The following EPHA6 variants were observed in gnomAD, a reference collection of about 807,000 sequenced individuals.
The protein encoded by EPHA6 is EPH receptor A6.
A neutral mutation model predicts 112.0 loss-of-function variants in EPHA6; 50 were observed. The observed-to-expected ratio is 0.45, with a 90% CI of 0.36 to 0.56. EPHA6 has a LOEUF of 0.56. Ranked by LOEUF, EPHA6 falls within the 20% of genes least tolerant of loss-of-function variation. The pLI is 0.00. For synonymous variants in EPHA6, 529 were observed against 490.7 expected (o/e 1.08, Z -1.03); for missense variants, 1,280 against 1,417.4 (o/e 0.90, Z 1.56).
rs35435047 is a variant in EPHA6 at position 97,502,247 on chromosome 3, C to A, written c.2200+18188C>A. ...GCAATGGTGCAATCTCGGCTCACTG[C>A]AACCTCTGCCTCCTAGGTTCAAGTG... On this transcript the variant is annotated intron_variant, in intron 10 of 17. Coordinates refer to ENST00000389672, the MANE Select transcript of EPHA6 (RefSeq NM_001080448.3). Among the ~76,000 whole-genome samples, 111 of 149,190 alleles carry A rather than the reference C, an allele frequency of 7.4e-4. 1 individual carries two copies. The highest frequency in any genetic ancestry group is 2.6e-3 in the African/African-American group (104 of 39,956).
chr3:97,320,367 A>T (rs2082051647), intron 5 of EPHA6, among the ~76,000 whole-genome samples: 1 of 151,668 alleles, frequency 6.6e-6, no homozygotes, highest in African/African-American at 2.4e-5. Context: ...GTAAAACCTT[A>T]TTTTTATAAA....
At chr3:97,599,093 G>T (rs1305209611) in intron 12 of EPHA6, among the ~76,000 whole-genome samples, 2 of 152,188 alleles carry the variant, frequency 1.3e-5, no homozygotes, top group African/African-American at 4.8e-5. Flanking sequence ...CATGTCCTTT[G>T]CCCACTTTTT....
intron 6 of EPHA6, among the ~76,000 whole-genome samples, chr3:97,445,400 T>A (rs2090305946): frequency 6.6e-6 from 1 of 152,294 alleles, no homozygotes; most frequent in Non-Finnish European, 1.5e-5. Context: ...CCTGATACCA[T>A]GTCTTAATCC....
In EPHA6 at chr3:97,197,073, G is replaced by C. The variant is rs544398136; in HGVS notation, c.1115-29191G>C. ...TGTATTCTTCCCTTCAGGGCTGCAA[G>C]CTCTCCCTGAGCCCAGCAGATCCAG... On this transcript the variant is annotated intron_variant, in intron 3 of 17. Coordinates refer to ENST00000389672, the MANE Select transcript of EPHA6 (RefSeq NM_001080448.3). Among the ~76,000 whole-genome samples, 7 of 152,184 alleles carry C rather than the reference G, an allele frequency of 4.6e-5. No individual in the cohort carries two copies. In the East Asian group the frequency reaches 1.4e-3, roughly 30 times the overall value.
chr3:97,469,344 A>T (rs1218795026), intron 7 of EPHA6, among the ~76,000 whole-genome samples: 1 of 151,700 alleles, frequency 6.6e-6, no homozygotes, highest in Non-Finnish European at 1.5e-5. Context: ...TCTGTTGCCT[A>T]CTACACTATT....
chr3:97,384,562 T>C (rs2085947032), intron 5 of EPHA6, among the ~76,000 whole-genome samples: 2 of 152,226 alleles, frequency 1.3e-5, no homozygotes, highest in African/African-American at 4.8e-5. Flanking sequence ...AACACTTTAC[T>C]GTCCTCCTGA....
intron 11 of EPHA6, among the ~76,000 whole-genome samples, chr3:97,584,524 C>G (rs973067987): frequency 1.3e-5 from 2 of 152,218 alleles, no homozygotes; most frequent in Non-Finnish European, 2.9e-5. Context: ...ATGGACCCTT[C>G]AAGGCATTTG....
At chr3:97,265,407 C>T (rs2079642577) in intron 5 of EPHA6, among the ~76,000 whole-genome samples, 1 of 152,166 alleles carries the variant, frequency 6.6e-6, no homozygotes, top group African/African-American at 2.4e-5. Context: ...TCGTCGGTGC[C>T]CAAAATCCAG....
chr3:96,859,208 T>C (rs1451568948), intron 1 of EPHA6, among the ~76,000 whole-genome samples: 2 of 152,060 alleles, frequency 1.3e-5, no homozygotes, highest in Non-Finnish European at 2.9e-5. Context: ...GTTATAATTG[T>C]GCTGTCTTGA....
At chr3:96,878,112 C>T (rs2037084072) in intron 2 of EPHA6, among the ~76,000 whole-genome samples, 1 of 151,552 alleles carries the variant, frequency 6.6e-6, no homozygotes, top group Non-Finnish European at 1.5e-5. Context: ...TTATGGTTAC[C>T]AGTGAAAATA....
intron 1 of EPHA6, among the ~76,000 whole-genome samples, chr3:96,823,022 A>G (rs1047736817): frequency 6.6e-6 from 1 of 151,742 alleles, no homozygotes; most frequent in Non-Finnish European, 1.5e-5. Flanking sequence ...TCATTAATAT[A>G]TATTCTAAGT....
intron 5 of EPHA6, among the ~76,000 whole-genome samples, chr3:97,318,459 G>A (rs1047690192): frequency 1.8e-4 from 28 of 152,028 alleles, no homozygotes; most frequent in Non-Finnish European, 4.0e-4. Context: ...TGAACAAGTA[G>A]ATTTTAATCA....
intron 3 of EPHA6, among the ~76,000 whole-genome samples, chr3:97,220,362 T>C (rs2078157539): frequency 6.6e-6 from 1 of 152,222 alleles, no homozygotes; most frequent in Non-Finnish European, 1.5e-5. Context: ...TTTGGTATCT[T>C]TATAACAGTA....
At chr3:97,033,315 A>T (rs2044949981) in intron 3 of EPHA6, among the ~76,000 whole-genome samples, 1 of 151,992 alleles carries the variant, frequency 6.6e-6, no homozygotes, top group African/African-American at 2.4e-5. Flanking sequence ...GTTGTAAAAA[A>T]CTTGTAGAAA....
intron 3 of EPHA6, among the ~76,000 whole-genome samples, chr3:97,166,679 G>A (rs1038821911): frequency 6.6e-6 from 1 of 152,120 alleles, no homozygotes; most frequent in Non-Finnish European, 1.5e-5. Context: ...TCCTCAGGAT[G>A]GGCCAGATAA....
chr3:96,905,357 T>G (rs2038875742), intron 2 of EPHA6, among the ~76,000 whole-genome samples: 1 of 152,018 alleles, frequency 6.6e-6, no homozygotes. Flanking sequence ...TTTTTCTTTT[T>G]TCTTATAATT....
intron 5 of EPHA6, among the ~76,000 whole-genome samples, chr3:97,390,221 C>A (rs1034431026): frequency 6.6e-6 from 1 of 152,032 alleles, no homozygotes; most frequent in African/African-American, 2.4e-5. Flanking sequence ...GAAACAATGG[C>A]AGTGAATTTG....
intron 1 of EPHA6, among the ~76,000 whole-genome samples, chr3:96,857,492 T>C (rs868013915): frequency 6.6e-6 from 1 of 151,272 alleles, no homozygotes; most frequent in Non-Finnish European, 1.5e-5. Flanking sequence ...AATTGCCTTA[T>C]AGTTCATGTG....
At chr3:97,292,560 C>T (rs72924487) in intron 5 of EPHA6, among the ~76,000 whole-genome samples, 2 of 152,200 alleles carry the variant, frequency 1.3e-5, no homozygotes, top group African/African-American at 4.8e-5. Flanking sequence ...AGAAGAGACC[C>T]GTGATGGATA....
Sources: allele counts gnomAD v4.1 joint callset (sites outside exome capture counted in the v4.1 genomes callset), GRCh38; gene constraint gnomAD v4.1.1; transcripts MANE v1.5; gene names NCBI Gene and HGNC (gene_info 2026-07-23, HGNC 2026-07-21).